The following MTMR7 variants were observed in gnomAD, a reference collection of about 807,000 sequenced individuals.
The protein encoded by MTMR7 is phosphatidylinositol-3-phosphate phosphatase MTMR7.
In MTMR7, 76 loss-of-function variants were observed where a neutral mutation model predicts 81.2. The observed-to-expected ratio is 0.94, with a 90% CI of 0.78 to 1.13. The LOEUF (loss-of-function observed/expected upper bound fraction) is 1.13. Among genes scored for constraint, MTMR7 ranks in the 50% most tolerant of loss-of-function variants. The pLI is 0.00. For missense variants in MTMR7, 1,044 were observed against 820.0 expected, an observed-to-expected ratio of 1.27 and a Z score of -3.34; for synonymous variants, 372 against 289.8, an observed-to-expected ratio of 1.28 and a Z score of -2.88.
chr8:17,299,711 G>T lies in MTMR7; in HGVS notation c.*151C>A. 1 of 1,035,642 alleles carries T rather than the reference G, an allele frequency of 9.7e-7. No individual in the cohort carries two copies. Among genetic ancestry groups the T allele is most frequent in the Non-Finnish European group, 1.4e-6 (1 of 719,094 alleles). 64.2% of individuals were successfully genotyped at this position (1,035,642 alleles called of 1,614,324 possible). ...TCCTCTTCAGTATCTAAGAAATCAAGAACTGGGCACTTTTTTCCCTTTTCA... is the reference window on the plus strand; with the variant it reads ...TCCTCTTCAGTATCTAAGAAATCAATAACTGGGCACTTTTTTCCCTTTTCA... On this transcript the variant is annotated 3_prime_UTR_variant, in exon 14 of 14. Transcript: ENST00000180173.
At chr8:17,333,441 G>C (rs1228795828) in intron 6 of MTMR7, among the ~76,000 whole-genome samples, 1 of 152,162 alleles carries the variant, frequency 6.6e-6, no homozygotes, top group African/African-American at 2.4e-5. Context: ...AAAATTAATA[G>C]GAGATTTGAA....
At chr8:17,330,549 A>G (rs1818946036) in intron 7 of MTMR7, among the ~76,000 whole-genome samples, 2 of 152,238 alleles carry the variant, frequency 1.3e-5, no homozygotes, top group African/African-American at 2.4e-5. Context: ...GGTTGGCCAC[A>G]TGAATAACTC....
chr8:17,411,700 G>A (rs1821738801), intron 1 of MTMR7, among the ~76,000 whole-genome samples: 1 of 152,002 alleles, frequency 6.6e-6, no homozygotes, highest in African/African-American at 2.4e-5. Context: ...CTGCTTAGAG[G>A]GTATCCATAA....
In MTMR7 at chr8:17,299,463, T is replaced by C. The variant is rs1816953702; in HGVS notation, c.*399A>G. On this transcript the variant is annotated 3_prime_UTR_variant, in exon 14 of 14. Transcript: ENST00000180173. ...GTCAGATGCTTTAGAAAACACAAAA[T>C]ATGCATCTAGAAGTGAACTAAAAGA... 6.0e-6 allele frequency: 1 copy of C among 166,102 alleles called. No individual in the cohort carries two copies. Among genetic ancestry groups the C allele is most frequent in the Non-Finnish European group, 1.3e-5 (1 of 75,832 alleles). The allele number at this position is 166,102 out of a possible 1,614,324, so 10.3% of individuals were successfully genotyped here.
chr8:17,337,548 A>T (rs2150538343), intron 6 of MTMR7, among the ~76,000 whole-genome samples: 1 of 152,236 alleles, frequency 6.6e-6, no homozygotes, highest in African/African-American at 2.4e-5. Flanking sequence ...CGTGCCCTGA[A>T]GAGTATAATT....
intron 1 of MTMR7, among the ~76,000 whole-genome samples, chr8:17,403,617 T>C (rs902926618): frequency 2.0e-5 from 3 of 152,106 alleles, no homozygotes; most frequent in African/African-American, 7.2e-5. Context: ...AAGAATGGCA[T>C]TGGCATTTTG....
intron 2 of MTMR7, among the ~76,000 whole-genome samples, chr8:17,371,506 C>G (rs935639173): frequency 6.6e-6 from 1 of 152,128 alleles, no homozygotes; most frequent in Non-Finnish European, 1.5e-5. Context: ...ATATTGAATG[C>G]GCTTAATAGC....
chr8:17,309,427 C>A (rs1293952053), intron 9 of MTMR7, 101 bp from the exon 10 acceptor site: 4 of 813,594 alleles, frequency 4.9e-6, no homozygotes, highest in Middle Eastern at 2.2e-4. Flanking sequence ...TTGCAGAAGT[C>A]CCCATCCTCG....
chr8:17,353,551 C>T (rs1438256205), intron 4 of MTMR7, among the ~76,000 whole-genome samples: 3 of 152,116 alleles, frequency 2.0e-5, no homozygotes, highest in African/African-American at 4.8e-5. Flanking sequence ...ATACATAATG[C>T]GCACAATGAT....
intron 7 of MTMR7, among the ~76,000 whole-genome samples, chr8:17,316,054 G>A (rs2150497633): frequency 6.6e-6 from 1 of 152,226 alleles, no homozygotes; most frequent in South Asian, 2.1e-4. Flanking sequence ...GTGTTTTCGT[G>A]TCATCCTGCT....
At chr8:17,369,673 T>A (rs1445817739) in intron 3 of MTMR7, among the ~76,000 whole-genome samples, 1 of 130,770 alleles carries the variant, frequency 7.6e-6, no homozygotes, top group African/African-American at 2.8e-5. Context: ...TGAAACAGAG[T>A]CTCGTTCTGT....
chr8:17,383,140 G>C (rs1344371298), intron 1 of MTMR7, among the ~76,000 whole-genome samples: 2 of 152,094 alleles, frequency 1.3e-5, no homozygotes, highest in Non-Finnish European at 2.9e-5. Context: ...AGGTTGGGAG[G>C]ATGGTTCTGG....
intron 11 of MTMR7, among the ~76,000 whole-genome samples, chr8:17,305,279 T>G (rs1817377602): frequency 6.6e-6 from 1 of 152,240 alleles, no homozygotes; most frequent in East Asian, 1.9e-4. Flanking sequence ...TAAATCACTT[T>G]GTTGTAAGTT....
intron 1 of MTMR7, among the ~76,000 whole-genome samples, chr8:17,406,547 T>C (rs1821587359): frequency 6.6e-6 from 1 of 152,190 alleles, no homozygotes; most frequent in Non-Finnish European, 1.5e-5. Context: ...GGTTCTGAAA[T>C]AGTGCAGCCA....
intron 6 of MTMR7, among the ~76,000 whole-genome samples, chr8:17,337,169 C>T (rs1366618754): frequency 1.3e-5 from 2 of 151,960 alleles, no homozygotes; most frequent in African/African-American, 2.4e-5. Flanking sequence ...GTCAGGAGTT[C>T]GAGACCAGCC....
chr8:17,363,089 G>A (rs905253781), intron 3 of MTMR7, among the ~76,000 whole-genome samples: 35 of 152,194 alleles, frequency 2.3e-4, no homozygotes, highest in Non-Finnish European at 4.6e-4. Context: ...ATCCAGGCGT[G>A]CTCACACACA....
intron 4 of MTMR7, among the ~76,000 whole-genome samples, chr8:17,357,844 C>T (rs572984364): frequency 7.2e-5 from 11 of 152,278 alleles, no homozygotes; most frequent in Middle Eastern, 3.4e-3. Flanking sequence ...GCATTCATTC[C>T]GTTATTCTTC....
chr8:17,395,608 A>C (rs992759014), intron 1 of MTMR7, among the ~76,000 whole-genome samples: 1 of 152,168 alleles, frequency 6.6e-6, no homozygotes, highest in African/African-American at 2.4e-5. Flanking sequence ...CTTTTTAAGT[A>C]ATAGTCATCC....
intron 7 of MTMR7, among the ~76,000 whole-genome samples, chr8:17,324,046 G>A (rs545921164): frequency 1.4e-4 from 21 of 152,226 alleles, no homozygotes; most frequent in Admixed American, 3.3e-4. Flanking sequence ...CTTTGATAAT[G>A]TCAAACGCTT....
Sources: gnomAD v4.1 joint callset for allele counts (sites outside exome capture counted in the v4.1 genomes callset) on GRCh38, gnomAD v4.1.1 for gene constraint, MANE v1.5 for transcripts, NCBI Gene and HGNC (gene_info 2026-07-23, HGNC 2026-07-21) for gene names.